GPR135: variants seen among roughly 807,000 people sequenced by gnomAD.
GPR135 encodes G-protein coupled receptor 135.
In GPR135, 17 loss-of-function variants were observed where a neutral mutation model predicts 15.0. The ratio of observed to expected loss-of-function variants is 1.13; its 90% CI spans 0.78 to 1.70. GPR135 has a LOEUF of 1.70. GPR135 is among the 40% of genes most tolerant of loss of function. The pLI, the probability that GPR135 is intolerant of heterozygous loss-of-function variation, is 0.00. For synonymous variants in GPR135, 368 were observed against 349.4 expected (o/e 1.05, Z -0.59); for missense variants, 776 against 727.0 (o/e 1.07, Z -0.78).
intron 6 of GPR135, among the ~76,000 whole-genome samples, chr14:59,454,399 T>C (rs1888585254): frequency 1.3e-5 from 2 of 152,188 alleles, no homozygotes; most frequent in South Asian, 4.1e-4. Context: ...CAAGGTCAAG[T>C]AAGATGGCTG....
At chr14:59,453,755 T>C (rs746949888) in intron 6 of GPR135, among the ~76,000 whole-genome samples, 1 of 152,246 alleles carries the variant, frequency 6.6e-6, no homozygotes, top group Non-Finnish European at 1.5e-5. Context: ...TGGCAGGTTT[T>C]AGTTGTCAAG....
Position 59,461,992 on chromosome 14 carries a change from A to C in GPR135, c.*1750T>G, listed in dbSNP as rs1482979674. On this transcript the variant is annotated 3_prime_UTR_variant, in exon 1 of 1. Coordinates refer to ENST00000395116, the MANE Select transcript of GPR135 (RefSeq NM_022571.6). The stretch of plus-strand genomic sequence containing the variant: ...ACATTGAGTGTAGCAAAATATATAC[A>C]ATTTACAAACTTCTGATTTGTGATG... The C allele has an allele frequency of 6.6e-6, 1 of 152,196 alleles. No individual in the cohort carries two copies. Among genetic ancestry groups the C allele is most frequent in the East Asian group, 1.9e-4 (1 of 5,196 alleles). 9.4% of individuals were successfully genotyped at this position (152,196 alleles called of 1,614,324 possible).
rs571904275 is a variant in GPR135 at position 59,452,830 on chromosome 14, C to A, written c.*874+2854G>T. Among the ~76,000 whole-genome samples, 5 of 152,182 alleles carry A rather than the reference C, an allele frequency of 3.3e-5. No homozygotes were observed. In the South Asian group the frequency reaches 8.3e-4, roughly 25 times the overall value. ...ATAACTGCAAAATATTGGAAGCAACCAAGATGCCATCAGTAAATAAGCAGA... is the reference window on the plus strand; with the variant it reads ...ATAACTGCAAAATATTGGAAGCAACAAAGATGCCATCAGTAAATAAGCAGA... On this transcript the variant is annotated intron_variant and NMD_transcript_variant, in intron 6 of 6. Coordinates refer to the GPR135 transcript ENST00000481661.
At chr14:59,454,233 C>A (rs1311769778) in intron 6 of GPR135, among the ~76,000 whole-genome samples, 1 of 152,186 alleles carries the variant, frequency 6.6e-6, no homozygotes, top group Admixed American at 6.5e-5. Flanking sequence ...GCTTAGCCTG[C>A]CAGCCTACAT....
At position 59,461,045 on chromosome 14, in the gene GPR135, T is replaced by C. The variant is rs1888838062; in HGVS notation, c.*2697A>G. 2 of 152,242 alleles carry C rather than the reference T, an allele frequency of 1.3e-5. No homozygotes were observed. The highest frequency in any genetic ancestry group is 1.3e-4 in the Admixed American group (2 of 15,284). The allele number at this position is 152,242 out of a possible 1,614,324, so 9.4% of individuals were successfully genotyped here. On this transcript the variant is annotated 3_prime_UTR_variant, in exon 1 of 1. Coordinates refer to ENST00000395116, the MANE Select transcript of GPR135 (RefSeq NM_022571.6). The stretch of plus-strand genomic sequence containing the variant: ...TCTGAAAGTGCTACACCTTTTCTTT[T>C]CCACAAGTAAACTTGTTATGGCTGA...
At chr14:59,456,229 A>AC (rs1888648578), downstream of GPR135, among the ~76,000 whole-genome samples, 1 of 152,152 alleles carries the variant, frequency 6.6e-6, no homozygotes, top group African/African-American at 2.4e-5. Context: ...TTAAAAAAAA[A>AC]CAACAAACAA....
At position 59,464,958 on chromosome 14, in the gene GPR135, C is replaced by A. The variant is rs1022142807; in HGVS notation, c.269G>T (p.Gly90Val). 6 of 1,514,760 alleles carry A rather than the reference C, an allele frequency of 4.0e-6. No homozygotes were observed. Among genetic ancestry groups the A allele is most frequent in the Admixed American group, 4.4e-5 (2 of 45,672 alleles). 93.8% of individuals were successfully genotyped at this position (1,514,760 alleles called of 1,614,324 possible). The part of the protein sequence containing the change: ...EAGAAVRRPL[G>V]PEAAPLLSHG... ...CGACAGCAGCGGCGCCGCCTCCGGGCCTAGCGGCCGCCTCACCGCCGCCCC... is the reference window on the plus strand; with the variant it reads ...CGACAGCAGCGGCGCCGCCTCCGGGACTAGCGGCCGCCTCACCGCCGCCCC... Residue 90 changes from glycine (G) to valine (V), a missense_variant, in exon 1 of 1, where the codon GGC (glycine) becomes GTC (valine). Transcript: ENST00000395116.
At chr14:59,458,941 G>T (rs9323348), downstream of GPR135, 60,359 of 151,980 alleles carry the variant, frequency 0.4, 12,844 homozygotes, top group African/African-American at 0.54. Context: ...GATAGTCCTG[G>T]GATCTCGGAG....
chr14:59,457,709 A>G (rs2139763723), downstream of GPR135, among the ~76,000 whole-genome samples: 1 of 152,202 alleles, frequency 6.6e-6, no homozygotes, highest in African/African-American at 2.4e-5. Flanking sequence ...TATTGATGAG[A>G]CATTTTCAAC....
chr14:59,464,480 C>A lies in GPR135; in HGVS notation c.747G>T (p.Ala249=), dbSNP rs1422354408. ...TCTGCGCCGCCGCGAGTTCCCGGGG[C>A]GCCCCGAGCAGCTCCCAGGGCAAGG... ...GFSLPWELLG[A]PRELAAAQSF... The change falls in exon 1 of 1, where the codon GCG becomes GCT. Residue 249 remains alanine, a synonymous_variant. Coordinates refer to ENST00000395116, the MANE Select transcript of GPR135 (RefSeq NM_022571.6). 4 of 1,542,702 alleles carry A rather than the reference C, an allele frequency of 2.6e-6. No individual in the cohort carries two copies. Among genetic ancestry groups the A allele is most frequent in the Non-Finnish European group, 3.5e-6 (4 of 1,149,926 alleles).
rs766875214 is a variant in GPR135, at chr14:59,464,605, C to T, written c.622G>A (p.Asp208Asn). 87 of 1,596,278 alleles carry T rather than the reference C, an allele frequency of 5.5e-5. No individual in the cohort carries two copies. The highest frequency in any genetic ancestry group is 6.9e-5 in the Non-Finnish European group (81 of 1,178,034). Residue 208 changes from aspartate to asparagine, a missense_variant, in exon 1 of 1, where the codon GAC becomes AAC. Transcript: ENST00000395116. ...GGCCGCACGATAGCGCAGTAACGGT[C>T]CAACGAGATGAGCGCCACGCTGAGC... is the stretch of plus-strand genomic sequence containing the variant. ...STLSVALISL[D>N]RYCAIVRPPR...
chr14:59,459,154 T>C (rs560898099), downstream of GPR135: 2 of 152,358 alleles, frequency 1.3e-5, no homozygotes, highest in East Asian at 3.9e-4. Context: ...TTGAAAATAA[T>C]GTTCACCAGT....
Position 59,464,877 on chromosome 14 carries a change from G to A in GPR135, c.350C>T (p.Ser117Phe). 6.2e-7 allele frequency: 1 copy of A among 1,606,498 alleles called. No homozygotes were observed. Among genetic ancestry groups the A allele is most frequent in the Non-Finnish European group, 8.5e-7 (1 of 1,177,112 alleles). Residue 117 changes from serine to phenylalanine, a missense_variant, in exon 1 of 1, where the codon TCT (serine) becomes TTT (phenylalanine). Physicochemically the swap from Ser to Phe is radical, Grantham distance 155. Coordinates refer to ENST00000395116, the MANE Select transcript of GPR135 (RefSeq NM_022571.6). ...ALVLLLIFLLSSLGNCAVMGV... is the reference protein window; with the variant it reads ...ALVLLLIFLLFSLGNCAVMGV... ...CATCACCGCGCAGTTGCCAAGGCTA[G>A]ACAGCAGGAAGATGAGCAGGAGGAC...
chr14:59,456,686 C>T (rs1002146138), downstream of GPR135: 3 of 152,112 alleles, frequency 2.0e-5, no homozygotes, highest in African/African-American at 7.2e-5. Flanking sequence ...TGCTTCATTG[C>T]AGTATTATTT....
Position 59,461,915 on chromosome 14 carries a change from G to A in GPR135, c.*1827C>T, listed in dbSNP as rs1464137312. On this transcript the variant is annotated 3_prime_UTR_variant, in exon 1 of 1. Coordinates refer to ENST00000395116, the MANE Select transcript of GPR135 (RefSeq NM_022571.6). ...GTCCAGCTGCATGAAGTCTGTATAT[G>A]CTTTATAAAATAAGGGCTAGAGGGG... The A allele has an allele frequency of 6.6e-6, 1 of 152,144 alleles. No individual in the cohort carries two copies. The highest frequency in any genetic ancestry group is 1.9e-4 in the East Asian group (1 of 5,190). The allele number at this position is 152,144 out of a possible 1,614,324, so 9.4% of individuals were successfully genotyped here.
chr14:59,456,261 A>G (rs1888650169), downstream of GPR135, among the ~76,000 whole-genome samples: 1 of 152,220 alleles, frequency 6.6e-6, no homozygotes, highest in Non-Finnish European at 1.5e-5. Context: ...CACTAAGTAC[A>G]GCTCACACTT....
chr14:59,464,216 G>T lies in GPR135; in HGVS notation c.1011C>A (p.Ile337=). ...GCCCCCAGCAGCAGATGACGAAGAC[G>T]ATCATGATGAGGACGGTGGTGGCCG... is the stretch of plus-strand genomic sequence containing the variant. ...VRTATTVLIM[I]VFVICCWGPY... is the part of the protein sequence containing the mutation. Residue 337 remains isoleucine, a synonymous_variant, in exon 1 of 1, where the codon ATC becomes ATA. Coordinates refer to ENST00000395116, the MANE Select transcript of GPR135 (RefSeq NM_022571.6). 6.2e-6 allele frequency: 10 copies of T among 1,611,276 alleles called. No individual in the cohort carries two copies. The highest frequency in any genetic ancestry group is 8.5e-6 in the Non-Finnish European group (10 of 1,179,904).
chr14:59,463,903 T>C lies in GPR135; in HGVS notation c.1324A>G (p.Asn442Asp). The C allele has an allele frequency of 6.2e-7, 1 of 1,614,132 alleles. No individual in the cohort carries two copies. The highest frequency in any genetic ancestry group is 8.5e-7 in the Non-Finnish European group (1 of 1,179,972). ...GCCGGGTTGGAAGAGGACATCCTGT[T>C]GCAGGCCCCCAGCCGGTTGGCATAG... ...NRYANRLGAC[N>D]RMSSSNPASG... is the part of the protein sequence containing the mutation. The change falls in exon 1 of 1, where the codon AAC becomes GAC. Residue 442 changes from asparagine (N) to aspartate (D), a missense_variant. Physicochemically the swap from Asn to Asp is conservative, Grantham distance 23. Coordinates refer to ENST00000395116, the MANE Select transcript of GPR135 (RefSeq NM_022571.6).
chr14:59,455,010 G>A, intron 6 of GPR135, among the ~76,000 whole-genome samples: 1 of 151,854 alleles, frequency 6.6e-6, no homozygotes, highest in Admixed American at 6.6e-5. Flanking sequence ...TGAGGCAGGA[G>A]AATCACTTGA....
Sources: gnomAD v4.1 joint callset for allele counts (sites outside exome capture counted in the v4.1 genomes callset) on GRCh38, gnomAD v4.1.1 for gene constraint, MANE v1.5 for transcripts, NCBI Gene and HGNC (gene_info 2026-07-23, HGNC 2026-07-21) for gene names.